Variants in SLC16A1 observed in about 807,000 individuals in gnomAD.
SLC16A1 encodes the protein monocarboxylate transporter 1.
SLC16A1 carries 11 observed loss-of-function variants against 32.2 expected under a neutral mutation model. That is an observed-to-expected ratio of 0.34 (90% CI 0.21 to 0.56). The LOEUF is 0.56. Ranked by LOEUF, SLC16A1 falls within the 20% of genes least tolerant of loss-of-function variation. SLC16A1 has a pLI of 0.87. For missense variants in SLC16A1, 435 were observed against 615.0 expected (o/e 0.71, Z 3.10); for synonymous variants, 231 against 226.8 (o/e 1.02, Z -0.17).
At chr1:112,943,372 G>T (rs1649577778) in intron 1 of SLC16A1, among the ~76,000 whole-genome samples, 1 of 152,070 alleles carries the variant, frequency 6.6e-6, no homozygotes, top group South Asian at 2.1e-4. Context: ...GAAGAATGGG[G>T]TATACTTTGT....
At chr1:112,944,489 C>T (rs1374586213) in intron 1 of SLC16A1, among the ~76,000 whole-genome samples, 3 of 151,994 alleles carry the variant, frequency 2.0e-5, no homozygotes, top group African/African-American at 7.2e-5. Flanking sequence ...TAAAACATGA[C>T]AAGTTATACA....
At chr1:112,951,372 A>G (rs1649885299) in intron 1 of SLC16A1, among the ~76,000 whole-genome samples, 1 of 150,568 alleles carries the variant, frequency 6.6e-6, no homozygotes, top group South Asian at 2.1e-4. Flanking sequence ...CAAGAATGGT[A>G]GAATCAGAAG....
Position 112,914,148 on chromosome 1 carries a change from A to T in SLC16A1, c.1246T>A (p.Tyr416Asn). ...PPLLGRLNDM[Y>N]GDYKYTYWAC... ...CAGTATGTGTATTTGTAGTCTCCATACATGTCATTGAGCCGACCTAAATAT... is the reference window on the plus strand; with the variant it reads ...CAGTATGTGTATTTGTAGTCTCCATTCATGTCATTGAGCCGACCTAAATAT... The change falls in exon 5 of 5, where the codon TAT (tyrosine) becomes AAT (asparagine). Residue 416 changes from tyrosine to asparagine, a missense_variant. By Grantham distance (143) the Tyr-to-Asn change is moderately radical (BLOSUM62 -2). This residue lies in a region of SLC16A1 where 111 missense variants were observed against 114.7 expected (regional missense o/e 0.97). Transcript: ENST00000369626. 6.2e-7 allele frequency: 1 copy of T among 1,614,218 alleles called. No individual in the cohort carries two copies. Among genetic ancestry groups the T allele is most frequent in the Non-Finnish European group, 8.5e-7 (1 of 1,180,046 alleles).
intron 1 of SLC16A1, among the ~76,000 whole-genome samples, chr1:112,947,398 A>G (rs1649742417): frequency 2.0e-5 from 3 of 152,208 alleles, no homozygotes; most frequent in African/African-American, 2.4e-5. Flanking sequence ...TTCTATTACA[A>G]TCTACTTCAC....
intron 1 of SLC16A1, among the ~76,000 whole-genome samples, chr1:112,930,520 TAG>T (rs899277941): frequency 9.9e-5 from 15 of 152,216 alleles, no homozygotes; most frequent in African/African-American, 3.4e-4. Flanking sequence ...GAAAAAGCTT[TAG>T]AGTCATAGTA....
intron 3 of SLC16A1, among the ~76,000 whole-genome samples, chr1:112,919,615 A>C (rs1477018597): frequency 6.6e-6 from 1 of 152,266 alleles, no homozygotes; most frequent in East Asian, 1.9e-4. Flanking sequence ...GTTGAAATAC[A>C]TGGAAACATT....
intron 4 of SLC16A1, among the ~76,000 whole-genome samples, chr1:112,916,685 T>G (rs1189306207): frequency 1.3e-5 from 2 of 151,780 alleles, no homozygotes; most frequent in East Asian, 3.9e-4. Flanking sequence ...TACCCAGCAC[T>G]TTGGGAGGCT....
At position 112,912,027 on chromosome 1, in the gene SLC16A1, C is replaced by G. The variant is rs1244719602; in HGVS notation, c.*1864G>C. 1 of 152,208 alleles carries G rather than the reference C, an allele frequency of 6.6e-6. No homozygotes were observed. Among genetic ancestry groups the G allele is most frequent in the African/African-American group, 2.4e-5 (1 of 41,442 alleles). The allele number at this position is 152,208 out of a possible 1,614,324, so 9.4% of individuals were successfully genotyped here. A position where few individuals can be genotyped will look rare whatever the true frequency, so the allele number is the denominator to read the frequency against. On this transcript the variant is annotated 3_prime_UTR_variant, in exon 5 of 5. Coordinates refer to ENST00000369626, the MANE Select transcript of SLC16A1 (RefSeq NM_003051.4). ...AGGCCAAGCCTGCCAATACTCTCAG[C>G]AGCAGTTTTCTCCTCTAACACTCTT...
At chr1:112,922,914 GTGT>G (rs1248407159) in intron 2 of SLC16A1, among the ~76,000 whole-genome samples, 1 of 152,152 alleles carries the variant, frequency 6.6e-6, no homozygotes, top group Non-Finnish European at 1.5e-5. Context: ...GTGGTTTGTG[GTGT>G]TGTGTTTTTT....
chr1:112,935,779 C>T (rs1488793912), intron 1 of SLC16A1: 1 of 152,192 alleles, frequency 6.6e-6, no homozygotes, highest in East Asian at 1.9e-4. Flanking sequence ...AACAAATATT[C>T]ATACTGACAA....
chr1:112,944,235 G>A (rs1206373286), intron 1 of SLC16A1, among the ~76,000 whole-genome samples: 1 of 152,168 alleles, frequency 6.6e-6, no homozygotes, highest in East Asian at 1.9e-4. Flanking sequence ...AGGATCACCT[G>A]AGTCCAGGAG....
chr1:112,945,715 AG>A (rs1649679101), intron 1 of SLC16A1, among the ~76,000 whole-genome samples: 1 of 139,136 alleles, frequency 7.2e-6, no homozygotes, highest in African/African-American at 2.7e-5. Context: ...ACTGTTGTCC[AG>A]GTGCGGTGGC....
At chr1:112,915,467 G>A (rs1283871469) in intron 4 of SLC16A1, among the ~76,000 whole-genome samples, 1 of 152,130 alleles carries the variant, frequency 6.6e-6, no homozygotes, top group Non-Finnish European at 1.5e-5. Context: ...GGACAGCTGG[G>A]GCCAGCCCAT....
rs1648409547 is a variant in SLC16A1 at position 112,913,918 on chromosome 1, C to T, written c.1476G>A (p.Gly492=). 6.2e-7 allele frequency: 1 copy of T among 1,613,998 alleles called. No homozygotes were observed. The highest frequency in any genetic ancestry group is 1.7e-5 in the Admixed American group (1 of 59,980). The change falls in exon 5 of 5, where the codon GGG becomes GGA. Residue 492 remains glycine, a synonymous_variant. Transcript: ENST00000369626. ...AGACTGGACTTTCCTCCTCCTTGGG[C>T]CCTCCATCTGTGTCTTTCTGGTCCG... is the stretch of plus-strand genomic sequence containing the variant. The part of the protein sequence containing the change: ...ESPDQKDTDG[G]PKEEESPV
rs1165339381 is a variant in SLC16A1, at chr1:112,936,455, T to C, written c.-44-7103A>G. On this transcript the variant is annotated intron_variant, in intron 1 of 4. Coordinates refer to ENST00000369626, the MANE Select transcript of SLC16A1 (RefSeq NM_003051.4). ...TCTGGGAGACAGAGGTTGCTCAGTCTAGGTGACACAGCATGACTCTGTCTC... is the reference window on the plus strand; with the variant it reads ...TCTGGGAGACAGAGGTTGCTCAGTCCAGGTGACACAGCATGACTCTGTCTC... Among the ~76,000 whole-genome samples, 3 of 120,492 alleles carry C rather than the reference T, an allele frequency of 2.5e-5. No homozygotes were observed. In the East Asian group the frequency reaches 7.2e-4, roughly 29 times the overall value. 79.0% of individuals were successfully genotyped at this position (120,492 alleles called of 152,430 possible).
chr1:112,946,987 G>A (rs1413254546), intron 1 of SLC16A1, among the ~76,000 whole-genome samples: 1 of 152,190 alleles, frequency 6.6e-6, no homozygotes, highest in Non-Finnish European at 1.5e-5. Context: ...TAAGTTGAGA[G>A]TCCTATGTCC....
At chr1:112,938,160 TA>T (rs2101642226) in intron 1 of SLC16A1, among the ~76,000 whole-genome samples, 2 of 152,292 alleles carry the variant, frequency 1.3e-5, no homozygotes, top group Admixed American at 1.3e-4. Flanking sequence ...TTTGTGAACT[TA>T]AAAGAAGCAG....
chr1:112,937,655 GA>G (rs1234833810), intron 1 of SLC16A1, among the ~76,000 whole-genome samples: 6 of 152,302 alleles, frequency 3.9e-5, no homozygotes, highest in Admixed American at 1.3e-4. Flanking sequence ...CCCCCTTGCA[GA>G]GTACTCAGAG....
intron 1 of SLC16A1, among the ~76,000 whole-genome samples, chr1:112,943,787 C>CAA (rs60946516): frequency 8.2e-4 from 40 of 48,964 alleles, no homozygotes; most frequent in East Asian, 2.2e-3. Flanking sequence ...GACTCCATCT[C>CAA]AAAAAAAAAA....
Sources: allele counts gnomAD v4.1 joint callset (sites outside exome capture counted in the v4.1 genomes callset), GRCh38; gene constraint gnomAD v4.1.1; regional missense constraint gnomAD v4.1.1; transcripts MANE v1.5; gene names NCBI Gene and HGNC (gene_info 2026-07-23, HGNC 2026-07-21).